MAP4K3: variants seen among roughly 807,000 people sequenced by gnomAD.
MAP4K3 encodes MAPK/ERK kinase kinase kinase 3.
Under a neutral mutation model 143.5 loss-of-function variants are expected in MAP4K3, and 94 were observed. The observed-to-expected ratio is 0.65, with a 90% CI of 0.55 to 0.78. The LOEUF (loss-of-function observed/expected upper bound fraction) is 0.78. Among genes scored for constraint, MAP4K3 ranks in the 30% least tolerant of loss-of-function variants. The pLI is 0.00. For synonymous variants in MAP4K3, 416 were observed against 347.2 expected, an observed-to-expected ratio of 1.20 and a Z score of -2.20; for missense variants, 1,077 against 1,068.1, an observed-to-expected ratio of 1.01 and a Z score of -0.12.
chr2:39,257,977 G>A (rs566325328), intron 31 of MAP4K3, among the ~76,000 whole-genome samples: 2 of 152,006 alleles, frequency 1.3e-5, no homozygotes, highest in African/African-American at 4.8e-5. Flanking sequence ...CCTCACCCAG[G>A]CTGGAGTGCA....
chr2:39,436,563 C>A (rs1351821311), intron 1 of MAP4K3: 2 of 278,426 alleles, frequency 7.2e-6, no homozygotes, highest in Admixed American at 1.0e-4. Flanking sequence ...ACCCTGCCAA[C>A]GCAACAAACG....
intron 31 of MAP4K3, among the ~76,000 whole-genome samples, chr2:39,254,920 G>GA (rs1204001912): frequency 1.3e-5 from 2 of 152,056 alleles, no homozygotes; most frequent in African/African-American, 4.8e-5. Flanking sequence ...GCAAAATACA[G>GA]AAAACAGCAC....
At chr2:39,295,398 A>T (rs1444379718) in intron 16 of MAP4K3, among the ~76,000 whole-genome samples, 1 of 151,960 alleles carries the variant, frequency 6.6e-6, no homozygotes, top group African/African-American at 2.4e-5. Context: ...GAATACTATA[A>T]ATATTGATAG....
chr2:39,254,446 T>G lies in MAP4K3; in HGVS notation c.2541+4A>C, dbSNP rs750027475. ...TGACTACTTAATGGACATAATTTAC[T>G]TACCTCATTAGATCTAAAACTTCTA... On this transcript the variant is annotated splice_donor_region_variant and intron_variant, in intron 32 of 33. Transcript: ENST00000263881. The G allele has an allele frequency of 6.2e-7, 1 of 1,612,138 alleles. No individual in the cohort carries two copies. The highest frequency in any genetic ancestry group is 1.1e-5 in the South Asian group (1 of 90,996).
At chr2:39,386,890 G>A (rs1186395162) in intron 1 of MAP4K3, among the ~76,000 whole-genome samples, 4 of 147,264 alleles carry the variant, frequency 2.7e-5, no homozygotes, top group East Asian at 4.0e-4. Context: ...ATCTCAGCTC[G>A]CTGCAACCTC....
intron 26 of MAP4K3, among the ~76,000 whole-genome samples, chr2:39,269,279 T>C (rs1213781597): frequency 6.6e-6 from 1 of 151,914 alleles, no homozygotes; most frequent in Non-Finnish European, 1.5e-5. Flanking sequence ...AAAAATATAA[T>C]ATCGTAGTAC....
At chr2:39,329,171 CATT>C (rs558759591) in intron 8 of MAP4K3, among the ~76,000 whole-genome samples, 5 of 152,282 alleles carry the variant, frequency 3.3e-5, no homozygotes, top group Admixed American at 3.3e-4. Context: ...GAAATTTCAT[CATT>C]AACATTCAGT....
At chr2:39,363,794 T>A (rs556650046) in intron 2 of MAP4K3, among the ~76,000 whole-genome samples, 1 of 151,206 alleles carries the variant, frequency 6.6e-6, no homozygotes, top group Non-Finnish European at 1.5e-5. Context: ...AAACAAACAG[T>A]ATACAATTTT....
chr2:39,406,814 A>T (rs1229140647), intron 1 of MAP4K3, among the ~76,000 whole-genome samples: 2 of 152,220 alleles, frequency 1.3e-5, no homozygotes, highest in African/African-American at 4.8e-5. Flanking sequence ...AACAGTACAC[A>T]GAAAAACAGA....
chr2:39,255,048 G>A (rs1282627735), intron 31 of MAP4K3, among the ~76,000 whole-genome samples: 1 of 151,900 alleles, frequency 6.6e-6, no homozygotes, highest in East Asian at 1.9e-4. Flanking sequence ...TCCCATTTCT[G>A]GTCTTTCCTT....
intron 13 of MAP4K3, among the ~76,000 whole-genome samples, chr2:39,312,180 C>T (rs1236234163): frequency 6.6e-6 from 1 of 152,142 alleles, no homozygotes; most frequent in African/African-American, 2.4e-5. Flanking sequence ...CCAGAGTAGA[C>T]ACAGATTAAC....
chr2:39,409,634 T>C lies in MAP4K3; in HGVS notation c.96+27258A>G, dbSNP rs565751791. Reference sequence around the variant, plus strand: ...AAATTTCTCCAGAAAATATTGAGTATGCAGAGAACAGAAATCGGAAGAGAA... The same window carrying C: ...AAATTTCTCCAGAAAATATTGAGTACGCAGAGAACAGAAATCGGAAGAGAA... On this transcript the variant is annotated intron_variant, in intron 1 of 33. Coordinates refer to ENST00000263881, the MANE Select transcript of MAP4K3 (RefSeq NM_003618.4). Among the ~76,000 whole-genome samples the C allele has an allele frequency of 1.1e-3, 167 of 152,292 alleles. 6 individuals carry two copies. The South Asian group carries it at 0.034, about 31-fold the overall frequency.
intron 1 of MAP4K3, among the ~76,000 whole-genome samples, chr2:39,436,415 G>A (rs1315304710): frequency 6.6e-6 from 1 of 152,084 alleles, no homozygotes; most frequent in Non-Finnish European, 1.5e-5. Flanking sequence ...GGAAGATGGA[G>A]GTCGCTCAGC....
intron 2 of MAP4K3, among the ~76,000 whole-genome samples, chr2:39,371,737 T>A (rs567902195): frequency 3.3e-5 from 5 of 151,394 alleles, no homozygotes; most frequent in Non-Finnish European, 7.4e-5. Flanking sequence ...AGTAGCTATA[T>A]CAGAAAAAAA....
At position 39,402,528 on chromosome 2, in the gene MAP4K3, G is replaced by T. The variant is rs200449280; in HGVS notation, c.97-24405C>A. ...AAAAGAAACACAGCAACAAATGCTC[G>T]TAAAAGGAAAAAAAGAAAGGAAACA... On this transcript the variant is annotated intron_variant, in intron 1 of 33. Transcript: ENST00000263881. Among the ~76,000 whole-genome samples the T allele has an allele frequency of 2.2e-4, 34 of 151,972 alleles. No homozygotes were observed. The East Asian group carries it at 6.6e-3, about 29-fold the overall frequency.
At chr2:39,435,955 C>T (rs921258835) in intron 1 of MAP4K3, among the ~76,000 whole-genome samples, 2 of 152,176 alleles carry the variant, frequency 1.3e-5, no homozygotes, top group South Asian at 4.1e-4. Context: ...ACTGAACTTT[C>T]CAATGCAAAA....
intron 24 of MAP4K3, among the ~76,000 whole-genome samples, chr2:39,277,131 CAG>C (rs976594923): frequency 2.0e-5 from 3 of 152,220 alleles, no homozygotes; most frequent in Non-Finnish European, 4.4e-5. Flanking sequence ...GTACTGCAAA[CAG>C]ATATTTCTAA....
intron 33 of MAP4K3, among the ~76,000 whole-genome samples, chr2:39,251,025 G>A (rs2148427486): frequency 6.6e-6 from 1 of 152,288 alleles, no homozygotes; most frequent in South Asian, 2.1e-4. Flanking sequence ...AGAACCAGAA[G>A]CTAAATTGCC....
intron 31 of MAP4K3, among the ~76,000 whole-genome samples, chr2:39,257,655 C>T (rs1218295279): frequency 1.3e-5 from 2 of 151,560 alleles, no homozygotes; most frequent in African/African-American, 2.4e-5. Context: ...AAAAATCAGC[C>T]GGGGGTGGTG....
Sources: gnomAD v4.1 joint callset for allele counts (sites outside exome capture counted in the v4.1 genomes callset) on GRCh38, gnomAD v4.1.1 for gene constraint, MANE v1.5 for transcripts, NCBI Gene and HGNC (gene_info 2026-07-23, HGNC 2026-07-21) for gene names.